The following ROBO1 variants were observed in gnomAD, a reference collection of about 807,000 sequenced individuals.
ROBO1 encodes roundabout guidance receptor 1, also known as roundabout homolog 1.
In ROBO1, 149 loss-of-function variants were observed where a neutral mutation model predicts 195.9. The observed-to-expected ratio is 0.76, with a 90% CI of 0.67 to 0.87. The LOEUF (loss-of-function observed/expected upper bound fraction) is 0.87. Among genes scored for constraint, ROBO1 ranks in the 40% least tolerant of loss-of-function variants. The probability of loss-of-function intolerance (pLI) is 0.00; values close to 1 mark genes in which losing one functional copy is unlikely to be tolerated. For synonymous variants in ROBO1, 816 were observed against 733.2 expected, an observed-to-expected ratio of 1.11 and a Z score of -1.82; for missense variants, 1,933 against 2,068.3, an observed-to-expected ratio of 0.93 and a Z score of 1.27.
chr3:79,313,283 G>T (rs2109101451), intron 2 of ROBO1, among the ~76,000 whole-genome samples: 1 of 151,914 alleles, frequency 6.6e-6, no homozygotes, highest in South Asian at 2.1e-4. Context: ...TAATAATATT[G>T]GCAGAAAAAG....
At chr3:79,739,231 GA>G in intron 1 of ROBO1, among the ~76,000 whole-genome samples, 1 of 152,144 alleles carries the variant, frequency 6.6e-6, no homozygotes, top group East Asian at 1.9e-4. Context: ...TGTATGAGAT[GA>G]ACAAGAGAAA....
At position 79,765,058 on chromosome 3, in the gene ROBO1, G is replaced by C. The variant is rs112335478; in HGVS notation, c.-51+2694C>G. On this transcript the variant is annotated intron_variant, in intron 1 of 30. Coordinates refer to ENST00000464233, the MANE Select transcript of ROBO1 (RefSeq NM_002941.4). ...GACAGGCTAAGGGAAGCGAAGGGAA[G>C]TAAAAGGAAGTAAATAGGAAAATAC... Among the ~76,000 whole-genome samples, 29 of 152,328 alleles carry C rather than the reference G, an allele frequency of 1.9e-4. 1 individual carries two copies. The highest frequency in any genetic ancestry group is 6.3e-4 in the African/African-American group (26 of 41,570).
chr3:79,766,260 T>C (rs1261200268), intron 1 of ROBO1, among the ~76,000 whole-genome samples: 1 of 151,696 alleles, frequency 6.6e-6, no homozygotes, highest in Non-Finnish European at 1.5e-5. Context: ...AAATTGCTTG[T>C]TTTCCTTCCC....
At chr3:79,161,848 C>T (rs1386159498) in intron 2 of ROBO1, among the ~76,000 whole-genome samples, 1 of 152,020 alleles carries the variant, frequency 6.6e-6, no homozygotes, top group South Asian at 2.1e-4. Context: ...TGGGCACTTA[C>T]TGATTTCCTG....
chr3:79,686,109 C>A (rs1332905988), intron 1 of ROBO1, among the ~76,000 whole-genome samples: 2 of 152,080 alleles, frequency 1.3e-5, no homozygotes, highest in Non-Finnish European at 2.9e-5. Flanking sequence ...TAAACAGAAC[C>A]AAGGACAAAA....
At chr3:79,350,327 A>T (rs2035289896) in intron 2 of ROBO1, among the ~76,000 whole-genome samples, 1 of 152,236 alleles carries the variant, frequency 6.6e-6, no homozygotes, top group South Asian at 2.1e-4. Flanking sequence ...GAGAAATTTT[A>T]TCCTCACGCA....
intron 4 of ROBO1, among the ~76,000 whole-genome samples, chr3:78,862,607 G>A (rs969791455): frequency 1.3e-5 from 2 of 152,178 alleles, no homozygotes; most frequent in Non-Finnish European, 2.9e-5. Flanking sequence ...GTACTGTCAA[G>A]GATGTGAGGA....
intron 3 of ROBO1, among the ~76,000 whole-genome samples, chr3:78,990,581 T>A (rs2077214321): frequency 6.6e-6 from 1 of 152,260 alleles, no homozygotes; most frequent in South Asian, 2.1e-4. Flanking sequence ...ACAGGAGAAA[T>A]CATAGACAAA....
chr3:79,164,091 G>T (rs2081020596), intron 2 of ROBO1, among the ~76,000 whole-genome samples: 1 of 152,042 alleles, frequency 6.6e-6, no homozygotes, highest in South Asian at 2.1e-4. Flanking sequence ...ATTTTGTTGT[G>T]CCAAATTTGA....
intron 2 of ROBO1, among the ~76,000 whole-genome samples, chr3:79,389,853 T>A (rs181557289): frequency 3.4e-4 from 52 of 152,156 alleles, no homozygotes; most frequent in Admixed American, 1.8e-3. Flanking sequence ...GAGTTTGGAG[T>A]TTTCATCTGA....
intron 2 of ROBO1, among the ~76,000 whole-genome samples, chr3:79,164,223 A>G (rs965301346): frequency 6.6e-6 from 1 of 152,158 alleles, no homozygotes; most frequent in Non-Finnish European, 1.5e-5. Context: ...TCCTTCAACA[A>G]ACTCAACAAG....
intron 1 of ROBO1, among the ~76,000 whole-genome samples, chr3:79,611,884 T>C (rs1258808168): frequency 6.6e-6 from 1 of 150,912 alleles, no homozygotes; most frequent in Non-Finnish European, 1.5e-5. Flanking sequence ...ACTTAAAGTA[T>C]AACAACAACA....
intron 3 of ROBO1, among the ~76,000 whole-genome samples, chr3:78,989,299 A>G (rs1171912357): frequency 6.6e-6 from 1 of 152,184 alleles, no homozygotes; most frequent in Non-Finnish European, 1.5e-5. Flanking sequence ...TTGTCTATTT[A>G]AGAAAATAAA....
rs200038303 is a variant in ROBO1 at position 78,681,701 on chromosome 3, A to G, written c.1342+4045T>C. Among the ~76,000 whole-genome samples, 30 of 152,194 alleles carry G rather than the reference A, an allele frequency of 2.0e-4. No homozygotes were observed. In the East Asian group the frequency reaches 5.5e-3, roughly 28 times the overall value. On this transcript the variant is annotated intron_variant, in intron 10 of 30. Coordinates refer to ENST00000464233, the MANE Select transcript of ROBO1 (RefSeq NM_002941.4). ...GGGTGGATCACGAGGTCAGGAGATC[A>G]AGACCATCCTGGCTAACACGGTGAA...
At chr3:78,896,451 C>T (rs2107422293) in intron 4 of ROBO1, among the ~76,000 whole-genome samples, 1 of 151,692 alleles carries the variant, frequency 6.6e-6, no homozygotes, top group East Asian at 1.9e-4. Flanking sequence ...GTAATCTCCC[C>T]CACCCTTAAG....
intron 1 of ROBO1, among the ~76,000 whole-genome samples, chr3:79,705,305 A>C (rs956846797): frequency 6.6e-6 from 1 of 151,890 alleles, no homozygotes; most frequent in African/African-American, 2.4e-5. Flanking sequence ...ATCTTCTAAG[A>C]GTTTTAGTTT....
intron 2 of ROBO1, among the ~76,000 whole-genome samples, chr3:79,388,650 G>A (rs1442922469): frequency 1.3e-5 from 2 of 152,070 alleles, no homozygotes; most frequent in African/African-American, 2.4e-5. Flanking sequence ...TGAGCTAAAT[G>A]ATATACATAT....
intron 1 of ROBO1, among the ~76,000 whole-genome samples, chr3:79,648,898 A>C (rs1319337939): frequency 6.6e-6 from 1 of 152,164 alleles, no homozygotes; most frequent in Non-Finnish European, 1.5e-5. Flanking sequence ...CCATATTAGA[A>C]AGCATGTGAC....
chr3:79,141,078 C>T (rs1481633790), intron 2 of ROBO1, among the ~76,000 whole-genome samples: 1 of 151,960 alleles, frequency 6.6e-6, no homozygotes, highest in Non-Finnish European at 1.5e-5. Context: ...TTTTTCCTTG[C>T]CCAGTGATAT....
Sources: allele counts gnomAD v4.1 joint callset (sites outside exome capture counted in the v4.1 genomes callset), GRCh38; gene constraint gnomAD v4.1.1; transcripts MANE v1.5; gene names NCBI Gene and HGNC (gene_info 2026-07-23, HGNC 2026-07-21).